RUFY2: variants seen among roughly 807,000 people sequenced by gnomAD.
RUFY2 encodes the protein RUN and FYVE domain containing 2, also known as RUN and FYVE domain-containing protein 2.
RUFY2 carries 49 observed loss-of-function variants against 94.4 expected under a neutral mutation model. The ratio of observed to expected loss-of-function variants is 0.52; its 90% CI spans 0.41 to 0.66. The LOEUF is 0.66. Ranked by LOEUF, RUFY2 falls within the 30% of genes least tolerant of loss-of-function variation. RUFY2 has a pLI of 0.00. For missense variants in RUFY2, 541 were observed against 692.8 expected (o/e 0.78, Z 2.46); for synonymous variants, 255 against 235.7 (o/e 1.08, Z -0.75).
In RUFY2 at chr10:68,376,128, A is replaced by T. The variant is rs188010421; in HGVS notation, c.1325+725T>A. Among the ~76,000 whole-genome samples, 418 of 149,180 alleles carry T rather than the reference A, an allele frequency of 2.8e-3. 3 individuals carry two copies. Among genetic ancestry groups the T allele is most frequent in the African/African-American group, 9.7e-3 (396 of 40,734 alleles). ...GAAGGAAAAAAAAAAAAGTTGATTT[A>T]AAAAAAAATGTTCTCGGCTGGGTGC... On this transcript the variant is annotated intron_variant, in intron 13 of 17. Coordinates refer to ENST00000602465, the MANE Select transcript of RUFY2 (RefSeq NM_001330103.2).
chr10:68,387,137 A>G (rs2049563919), intron 7 of RUFY2, among the ~76,000 whole-genome samples: 1 of 152,086 alleles, frequency 6.6e-6, no homozygotes. Flanking sequence ...CAGGCAGATC[A>G]CCTGAAGTCA....
intron 3 of RUFY2, among the ~76,000 whole-genome samples, chr10:68,400,833 A>C (rs2050781570): frequency 6.6e-6 from 1 of 151,934 alleles, no homozygotes; most frequent in South Asian, 2.1e-4. Context: ...TAACATGGTG[A>C]AACCCGATCT....
chr10:68,394,228 T>C (rs2050213782), intron 5 of RUFY2, 92 bp from the exon 6 acceptor site: 1 of 1,575,588 alleles, frequency 6.3e-7, no homozygotes, highest in African/African-American at 1.4e-5. Context: ...ATTCCTTTAG[T>C]GTTTAACAGT....
Position 68,396,560 on chromosome 10 carries a change from T to C in RUFY2, c.398+220A>G, listed in dbSNP as rs535206095. On this transcript the variant is annotated intron_variant, in intron 4 of 17. Coordinates refer to ENST00000602465, the MANE Select transcript of RUFY2 (RefSeq NM_001330103.2). ...AATGTAATATATATAAATTTCCCCATCCTGGCTGATAACAAAGCTTATGGT... is the reference window on the plus strand; with the variant it reads ...AATGTAATATATATAAATTTCCCCACCCTGGCTGATAACAAAGCTTATGGT... Among the ~76,000 whole-genome samples, 420 of 152,242 alleles carry C rather than the reference T, an allele frequency of 2.8e-3. 13 individuals are homozygous for C. The highest frequency in any genetic ancestry group is 0.01 in the Middle Eastern group (3 of 294).
intron 3 of RUFY2, among the ~76,000 whole-genome samples, chr10:68,400,238 C>A (rs1321403414): frequency 6.6e-6 from 1 of 151,898 alleles, no homozygotes; most frequent in African/African-American, 2.4e-5. Flanking sequence ...ATCACTTGAA[C>A]CTGGGAGGCA....
At chr10:68,353,449 A>G (rs1295751080) in intron 16 of RUFY2, among the ~76,000 whole-genome samples, 3 of 151,910 alleles carry the variant, frequency 2.0e-5, no homozygotes, top group Non-Finnish European at 4.4e-5. Context: ...GTGAGCCGAG[A>G]TCATGCCATT....
chr10:68,402,135 A>G (rs114257051), intron 2 of RUFY2, among the ~76,000 whole-genome samples: 6,693 of 149,356 alleles, frequency 0.045, 479 homozygotes, highest in African/African-American at 0.15. Context: ...TTTTTTTTTT[A>G]GTAAGTAGAG....
At chr10:68,404,386 T>C (rs1310416518) in intron 2 of RUFY2, among the ~76,000 whole-genome samples, 1 of 152,192 alleles carries the variant, frequency 6.6e-6, no homozygotes, top group Non-Finnish European at 1.5e-5. Context: ...AAAAAATAAC[T>C]CTATAATTGT....
Position 68,345,449 on chromosome 10 carries a change from C to A in RUFY2, c.*319G>T, listed in dbSNP as rs2046214550. Reference sequence around the variant, plus strand: ...CAGGCACCATCAAATACCAAATTGACAGAATTCAGAAGAAAAAAACAATCT... The same window carrying A: ...CAGGCACCATCAAATACCAAATTGAAAGAATTCAGAAGAAAAAAACAATCT... On this transcript the variant is annotated 3_prime_UTR_variant, in exon 18 of 18. Transcript: ENST00000602465. 2.5e-6 allele frequency: 1 copy of A among 402,408 alleles called. No individual in the cohort carries two copies. Among genetic ancestry groups the A allele is most frequent in the South Asian group, 1.3e-4 (1 of 7,546 alleles). 24.9% of individuals were successfully genotyped at this position (402,408 alleles called of 1,614,324 possible). A position where few individuals can be genotyped will look rare whatever the true frequency, so the allele number is the denominator to read the frequency against.
chr10:68,402,249 C>T (rs2050905093), intron 2 of RUFY2, among the ~76,000 whole-genome samples: 1 of 151,920 alleles, frequency 6.6e-6, no homozygotes, highest in African/African-American at 2.4e-5. Context: ...AGGCATGAAC[C>T]ACCACGCCCA....
chr10:68,393,008 T>C (rs983202166), intron 7 of RUFY2, 130 bp downstream of exon 7: 2 of 426,330 alleles, frequency 4.7e-6, no homozygotes, highest in Non-Finnish European at 8.3e-6. Flanking sequence ...ATTCTTACTT[T>C]CCATTTTCTC....
At chr10:68,406,780 C>G in intron 1 of RUFY2, 1 of 1,612,196 alleles carries the variant, frequency 6.2e-7, no homozygotes, top group Non-Finnish European at 8.5e-7. Flanking sequence ...CAGCATTCCC[C>G]GTCTCCCGCC....
intron 10 of RUFY2, among the ~76,000 whole-genome samples, chr10:68,382,683 T>C (rs968635959): frequency 4.1e-4 from 57 of 140,012 alleles, no homozygotes; most frequent in African/African-American, 1.5e-3. Flanking sequence ...CACTGCACTC[T>C]AGCCTGGGCA....
intron 1 of RUFY2, chr10:68,405,833 T>TG: frequency 5.6e-6 from 2 of 355,070 alleles, no homozygotes; most frequent in Non-Finnish European, 7.9e-6. Flanking sequence ...ATCCACACAG[T>TG]TGAGGATGCC....
intron 7 of RUFY2, among the ~76,000 whole-genome samples, chr10:68,388,726 C>T (rs2049727882): frequency 6.6e-6 from 1 of 150,850 alleles, no homozygotes; most frequent in Non-Finnish European, 1.5e-5. Flanking sequence ...CTCCCAGCTA[C>T]TTGGTAGGCT....
intron 13 of RUFY2, among the ~76,000 whole-genome samples, chr10:68,368,400 CT>C (rs985600474): frequency 4.2e-4 from 61 of 144,488 alleles, no homozygotes; most frequent in African/African-American, 1.6e-3. Flanking sequence ...TGGCTCACAC[CT>C]GTAATCCCAG....
chr10:68,355,145 C>A (rs1300195328), intron 16 of RUFY2, among the ~76,000 whole-genome samples: 6 of 152,128 alleles, frequency 3.9e-5, no homozygotes. Context: ...CTGCGCCCGG[C>A]CTCTAAGGTC....
intron 16 of RUFY2, among the ~76,000 whole-genome samples, chr10:68,348,522 G>GAAA (rs11387992): frequency 7.2e-6 from 1 of 138,776 alleles, no homozygotes. Context: ...TCTCTGAGGG[G>GAAA]AAAAAAAAAA....
chr10:68,357,373 C>G (rs908864365), intron 15 of RUFY2, among the ~76,000 whole-genome samples: 20 of 151,626 alleles, frequency 1.3e-4, no homozygotes, highest in African/African-American at 4.8e-4. Context: ...GGATTATAGG[C>G]AGTTGTCACC....
Sources: gnomAD v4.1 joint callset for allele counts (sites outside exome capture counted in the v4.1 genomes callset) on GRCh38, gnomAD v4.1.1 for gene constraint, MANE v1.5 for transcripts, NCBI Gene and HGNC (gene_info 2026-07-23, HGNC 2026-07-21) for gene names.